CDK5RAP2: variants seen among roughly 807,000 people sequenced by gnomAD.
CDK5RAP2 encodes the protein CDK5 regulatory subunit-associated protein 2.
A neutral mutation model predicts 232.9 loss-of-function variants in CDK5RAP2; 147 were observed. That is an observed-to-expected ratio of 0.63 (90% CI 0.55 to 0.72). The LOEUF (loss-of-function observed/expected upper bound fraction) is 0.72, where lower values mean the gene tolerates loss of function less well. Ranked by LOEUF, CDK5RAP2 falls within the 30% of genes least tolerant of loss-of-function variation. The probability of loss-of-function intolerance (pLI) is 0.00; values close to 1 mark genes in which losing one functional copy is unlikely to be tolerated. For missense variants in CDK5RAP2, 2,195 were observed against 2,231.5 expected (o/e 0.98, Z 0.33); for synonymous variants, 833 against 833.7 (o/e 1.00, Z 0.01).
At chr9:120,473,344 G>T (rs763212500) in intron 15 of CDK5RAP2, among the ~76,000 whole-genome samples, 2 of 152,142 alleles carry the variant, frequency 1.3e-5, no homozygotes, top group African/African-American at 2.4e-5. Context: ...TGCAAAAAAT[G>T]AATGAATTTG....
chr9:120,405,042 G>C (rs1184097152), intron 32 of CDK5RAP2, among the ~76,000 whole-genome samples: 1 of 152,178 alleles, frequency 6.6e-6, no homozygotes, highest in African/African-American at 2.4e-5. Context: ...CTAGGGCTTA[G>C]GATCCCCCTT....
intron 18 of CDK5RAP2, among the ~76,000 whole-genome samples, chr9:120,464,159 A>G (rs937507067): frequency 2.0e-5 from 3 of 151,076 alleles, no homozygotes; most frequent in Admixed American, 6.6e-5. Context: ...CCTCCTTGAA[A>G]CCCCACGCTG....
At chr9:120,488,777 C>T (rs2038743782) in intron 13 of CDK5RAP2, among the ~76,000 whole-genome samples, 1 of 152,218 alleles carries the variant, frequency 6.6e-6, no homozygotes, top group East Asian at 1.9e-4. Context: ...TATGGTGTTC[C>T]GTGATCACAC....
At chr9:120,565,958 A>T (rs998269614) in intron 3 of CDK5RAP2, among the ~76,000 whole-genome samples, 2 of 152,168 alleles carry the variant, frequency 1.3e-5, no homozygotes, top group Non-Finnish European at 2.9e-5. Context: ...GGCATATATT[A>T]AAAAATGTTT....
intron 25 of CDK5RAP2, among the ~76,000 whole-genome samples, chr9:120,428,402 C>T (rs936216475): frequency 5.9e-5 from 9 of 152,184 alleles, no homozygotes; most frequent in Middle Eastern, 6.8e-3. Context: ...CAAATAGATG[C>T]AATAAAGAAT....
chr9:120,536,292 AAG>A, intron 7 of CDK5RAP2, 78 bp downstream of exon 7: 1 of 1,498,098 alleles, frequency 6.7e-7, no homozygotes, highest in South Asian at 1.1e-5. Context: ...GGAGGGATAA[AAG>A]AGAATAAAAG....
intron 3 of CDK5RAP2, among the ~76,000 whole-genome samples, chr9:120,558,822 T>C (rs779618739): frequency 2.0e-5 from 3 of 152,224 alleles, no homozygotes; most frequent in African/African-American, 4.8e-5. Flanking sequence ...CTCTAATACA[T>C]AGCTCTTACT....
intron 21 of CDK5RAP2, among the ~76,000 whole-genome samples, chr9:120,450,632 A>G (rs934298458): frequency 6.6e-6 from 1 of 152,234 alleles, no homozygotes; most frequent in Non-Finnish European, 1.5e-5. Context: ...TCTCTTAAGA[A>G]GGAAAGAAGA....
intron 17 of CDK5RAP2, 95 bp downstream of exon 17, chr9:120,470,016 G>A: frequency 1.4e-6 from 1 of 690,916 alleles, no homozygotes; most frequent in South Asian, 1.6e-5. Flanking sequence ...AAGGAGAGAG[G>A]CCTTCAGAAT....
intron 25 of CDK5RAP2, among the ~76,000 whole-genome samples, chr9:120,425,579 C>T (rs1192653021): frequency 6.6e-6 from 1 of 152,222 alleles, no homozygotes; most frequent in South Asian, 2.1e-4. Flanking sequence ...GACAAACTTA[C>T]AACTGGTTGA....
chr9:120,389,643 G>A (rs1192020210), intron 37 of CDK5RAP2, 98 bp downstream of exon 37: 19 of 1,157,232 alleles, frequency 1.6e-5, no homozygotes, highest in South Asian at 2.5e-5. Flanking sequence ...CATGTCCCCT[G>A]GTTCCACCTG....
chr9:120,572,905 C>T (rs938393846), intron 1 of CDK5RAP2, among the ~76,000 whole-genome samples: 1 of 152,144 alleles, frequency 6.6e-6, no homozygotes, highest in Non-Finnish European at 1.5e-5. Context: ...TGCCTAATTC[C>T]CTGAGGGTGC....
At position 120,487,393 on chromosome 9, in the gene CDK5RAP2, A is replaced by G; in HGVS notation, c.1527T>C (p.Tyr509=). 1 of 1,613,766 alleles carries G rather than the reference A, an allele frequency of 6.2e-7. No homozygotes were observed. The part of the protein sequence containing the change: ...KDLEVIQQNC[Y]LMAAEDLELR... Reference sequence around the variant, plus strand: ...GCTCAAGATCCTCTGCAGCCATTAAATAGCAGTTCTGCTGTATTACTTCCA... The same window carrying G: ...GCTCAAGATCCTCTGCAGCCATTAAGTAGCAGTTCTGCTGTATTACTTCCA... The change falls in exon 14 of 38, where the codon TAT becomes TAC. Residue 509 remains tyrosine (Y), a synonymous_variant. Transcript: ENST00000349780.
At chr9:120,485,293 CTTTTTTTTTTTT>C (rs111411839) in intron 14 of CDK5RAP2, among the ~76,000 whole-genome samples, 4 of 132,364 alleles carry the variant, frequency 3.0e-5, no homozygotes, top group Non-Finnish European at 6.5e-5. Context: ...CATTTAGATA[CTTTTTTTTTTTT>C]TTTTTTTTTG....
rs556669313 is a variant in CDK5RAP2, at chr9:120,499,186, C to G, written c.1312-7709G>C. Among the ~76,000 whole-genome samples the G allele has an allele frequency of 2.3e-3, 349 of 152,232 alleles. 2 individuals carry two copies. The highest frequency in any genetic ancestry group is 6.8e-3 in the South Asian group (33 of 4,824). Reference sequence around the variant, plus strand: ...TGAAAATGGTACTTTTTAAAGCATACTGAAATACTGATAAAGTAGTATGTC... The same window carrying G: ...TGAAAATGGTACTTTTTAAAGCATAGTGAAATACTGATAAAGTAGTATGTC... On this transcript the variant is annotated intron_variant, in intron 12 of 37. Coordinates refer to ENST00000349780, the MANE Select transcript of CDK5RAP2 (RefSeq NM_018249.6).
At chr9:120,506,205 ACTCTATCTGTG>A (rs1171395255) in intron 12 of CDK5RAP2, among the ~76,000 whole-genome samples, 1 of 152,048 alleles carries the variant, frequency 6.6e-6, no homozygotes, top group Non-Finnish European at 1.5e-5. Flanking sequence ...TGCAAAATCT[ACTCTATCTGTG>A]CTCTACAATG....
chr9:120,467,098 T>G (rs756355639), intron 18 of CDK5RAP2, among the ~76,000 whole-genome samples: 3 of 152,258 alleles, frequency 2.0e-5, no homozygotes, highest in Non-Finnish European at 4.4e-5. Context: ...CCTCCCATTG[T>G]GCAGCCCAGG....
intron 12 of CDK5RAP2, among the ~76,000 whole-genome samples, chr9:120,518,185 G>GTA (rs1256253499): frequency 3.6e-4 from 31 of 86,658 alleles, no homozygotes; most frequent in Non-Finnish European, 6.4e-4. Flanking sequence ...GTGTGTGTGT[G>GTA]TGTGTGTGTG....
intron 27 of CDK5RAP2, among the ~76,000 whole-genome samples, chr9:120,418,417 T>A (rs1386053829): frequency 1.3e-5 from 2 of 152,216 alleles, no homozygotes; most frequent in African/African-American, 2.4e-5. Context: ...AGTTCCCGTT[T>A]AAATAATTTG....
Sources: allele counts gnomAD v4.1 joint callset (sites outside exome capture counted in the v4.1 genomes callset), GRCh38; gene constraint gnomAD v4.1.1; transcripts MANE v1.5; gene names NCBI Gene and HGNC (gene_info 2026-07-23, HGNC 2026-07-21).